SYT9: variants seen among roughly 807,000 people sequenced by gnomAD.
SYT9 encodes the protein synaptotagmin 9.
A neutral mutation model predicts 48.4 loss-of-function variants in SYT9; 22 were observed. That is an observed-to-expected ratio of 0.45 (90% CI 0.32 to 0.65). The LOEUF is 0.65. SYT9 is among the 30% of genes least tolerant of loss of function. The pLI is 0.03. For missense variants in SYT9, 577 were observed against 622.0 expected (o/e 0.93, Z 0.77); for synonymous variants, 265 against 245.0 (o/e 1.08, Z -0.76).
intron 1 of SYT9, among the ~76,000 whole-genome samples, chr11:7,264,363 T>A (rs1481375043): frequency 6.6e-6 from 1 of 152,134 alleles, no homozygotes; most frequent in East Asian, 1.9e-4. Flanking sequence ...GTTTCTTCCA[T>A]GTTCAGCTCT....
chr11:7,416,207 AG>A (rs747581499), intron 4 of SYT9, 45 bp downstream of exon 4: 1 of 1,610,438 alleles, frequency 6.2e-7, no homozygotes, highest in Non-Finnish European at 8.5e-7. Flanking sequence ...CTTCTACTGT[AG>A]TAAGTACCTT....
chr11:7,465,228 G>GAT (rs1848310582), intron 6 of SYT9, among the ~76,000 whole-genome samples: 1 of 152,202 alleles, frequency 6.6e-6, no homozygotes, highest in Non-Finnish European at 1.5e-5. Flanking sequence ...CTTTCCCAGA[G>GAT]ATGTGTGTGT....
intron 3 of SYT9, among the ~76,000 whole-genome samples, chr11:7,368,293 A>G (rs1420441122): frequency 1.3e-5 from 2 of 152,188 alleles, no homozygotes; most frequent in Non-Finnish European, 2.9e-5. Context: ...TTTAAGCTTT[A>G]TATATCACTA....
chr11:7,401,862 T>C (rs1406194743), intron 3 of SYT9, among the ~76,000 whole-genome samples: 1 of 151,866 alleles, frequency 6.6e-6, no homozygotes, highest in Non-Finnish European at 1.5e-5. Context: ...TTATTTATTA[T>C]TTCTTTCCTT....
At chr11:7,358,698 A>G (rs1039203002) in intron 3 of SYT9, among the ~76,000 whole-genome samples, 5 of 152,206 alleles carry the variant, frequency 3.3e-5, no homozygotes, top group African/African-American at 1.2e-4. Context: ...ATATTGTTTT[A>G]CATTTTCCAT....
intron 3 of SYT9, among the ~76,000 whole-genome samples, chr11:7,328,779 G>A (rs7114114): frequency 0.98 from 149,394 of 152,294 alleles, 73,331 homozygotes; most frequent in Middle Eastern, 1. Flanking sequence ...TTAAAGATCT[G>A]TTGATGTTAG....
chr11:7,415,895 G>T, intron 3 of SYT9, 147 bp from the exon 4 acceptor site: 1 of 989,250 alleles, frequency 1.0e-6, no homozygotes, highest in Non-Finnish European at 1.5e-6. Context: ...TTCTCCCTGT[G>T]ACTGACATGA....
intron 3 of SYT9, among the ~76,000 whole-genome samples, chr11:7,322,955 G>T (rs1849362999): frequency 6.6e-6 from 1 of 152,006 alleles, no homozygotes; most frequent in African/African-American, 2.4e-5. Flanking sequence ...TTGTTCTTCT[G>T]CAAACTGTTA....
chr11:7,394,866 A>G (rs1159152176), intron 3 of SYT9, among the ~76,000 whole-genome samples: 6 of 152,054 alleles, frequency 3.9e-5, no homozygotes, highest in African/African-American at 7.2e-5. Flanking sequence ...AGATTTGGGT[A>G]TGTTGTTTCT....
intron 3 of SYT9, among the ~76,000 whole-genome samples, chr11:7,389,046 G>A (rs994378333): frequency 3.9e-5 from 6 of 152,186 alleles, no homozygotes; most frequent in Non-Finnish European, 8.8e-5. Context: ...AAGTCACTAG[G>A]CTTGGTGTGC....
chr11:7,370,432 A>C, intron 3 of SYT9, among the ~76,000 whole-genome samples: 1 of 152,142 alleles, frequency 6.6e-6, no homozygotes, highest in East Asian at 1.9e-4. Flanking sequence ...GGTTAGGACT[A>C]GGGATGGGAA....
intron 1 of SYT9, among the ~76,000 whole-genome samples, chr11:7,264,053 A>C (rs552552249): frequency 1.3e-5 from 2 of 152,110 alleles, no homozygotes; most frequent in African/African-American, 2.4e-5. Flanking sequence ...GTTTATTGTC[A>C]TGAAGTCAGG....
intron 3 of SYT9, among the ~76,000 whole-genome samples, chr11:7,413,352 A>C (rs190397223): frequency 2.0e-3 from 299 of 152,312 alleles, no homozygotes; most frequent in African/African-American, 6.7e-3. Flanking sequence ...GGCTTTCAGA[A>C]TGTCACTGTG....
At chr11:7,311,712 A>G (rs1415191805) in intron 2 of SYT9, among the ~76,000 whole-genome samples, 1 of 152,220 alleles carries the variant, frequency 6.6e-6, no homozygotes, top group Non-Finnish European at 1.5e-5. Flanking sequence ...AGAAAACTCA[A>G]TAGCAGAGGG....
At position 7,468,043 on chromosome 11, in the gene SYT9, T is replaced by G; in HGVS notation, c.*1243T>G. On this transcript the variant is annotated 3_prime_UTR_variant, in exon 7 of 7. Transcript: ENST00000318881. The stretch of plus-strand genomic sequence containing the variant: ...AGGCCTCAGCATATCCTGGGAGGAC[T>G]GGGGGCTGTTACCTAATGGTCCTCT... 1 of 379,608 alleles carries G rather than the reference T, an allele frequency of 2.6e-6. No individual in the cohort carries two copies. The highest frequency in any genetic ancestry group is 4.7e-6 in the Non-Finnish European group (1 of 214,380). 23.5% of individuals were successfully genotyped at this position (379,608 alleles called of 1,614,324 possible). A position where few individuals can be genotyped will look rare whatever the true frequency, so the allele number is the denominator to read the frequency against.
intron 1 of SYT9, among the ~76,000 whole-genome samples, chr11:7,289,187 G>A (rs530534953): frequency 6.6e-6 from 1 of 152,176 alleles, no homozygotes; most frequent in Non-Finnish European, 1.5e-5. Context: ...AGCTGCCTGA[G>A]CGCTCTGGCT....
At chr11:7,294,787 G>T (rs955600235) in intron 1 of SYT9, among the ~76,000 whole-genome samples, 2 of 152,202 alleles carry the variant, frequency 1.3e-5, no homozygotes, top group Admixed American at 6.5e-5. Flanking sequence ...TCTCAGTTCA[G>T]TGGGGCCATT....
At chr11:7,245,687 G>T (rs1243356235) in intron 1 of SYT9, among the ~76,000 whole-genome samples, 1 of 152,196 alleles carries the variant, frequency 6.6e-6, no homozygotes, top group Non-Finnish European at 1.5e-5. Context: ...CCTTCTTACT[G>T]TATCATCACA....
intron 1 of SYT9, 54 bp from the exon 2 acceptor site, chr11:7,302,984 TG>T: frequency 6.7e-7 from 1 of 1,491,818 alleles, no homozygotes; most frequent in Non-Finnish European, 9.3e-7. Context: ...CGCTGTGCAA[TG>T]GGTGGGCTTG....
Sources: allele counts gnomAD v4.1 joint callset (sites outside exome capture counted in the v4.1 genomes callset), GRCh38; gene constraint gnomAD v4.1.1; transcripts MANE v1.5; gene names NCBI Gene and HGNC (gene_info 2026-07-23, HGNC 2026-07-21).